The following SRSF11 variants were observed in gnomAD, a reference collection of about 807,000 sequenced individuals.
The protein encoded by SRSF11 is serine and arginine rich splicing factor 11.
In SRSF11, 9 loss-of-function variants were observed where a neutral mutation model predicts 56.0. That is an observed-to-expected ratio of 0.16 (90% CI 0.10 to 0.28). The LOEUF (loss-of-function observed/expected upper bound fraction) is 0.28. Ranked by LOEUF, SRSF11 falls within the 10% of genes least tolerant of loss-of-function variation. The probability of loss-of-function intolerance (pLI) is 1.00; values close to 1 mark genes in which losing one functional copy is unlikely to be tolerated. For missense variants in SRSF11, 421 were observed against 600.7 expected, an observed-to-expected ratio of 0.70 and a Z score of 3.13; for synonymous variants, 222 against 215.3, an observed-to-expected ratio of 1.03 and a Z score of -0.27.
rs1676355858 is a variant in SRSF11 at position 70,244,781 on chromosome 1, A to G, written c.898A>G (p.Arg300Gly). The G allele has an allele frequency of 1.9e-6, 3 of 1,614,188 alleles. No individual in the cohort carries two copies. The highest frequency in any genetic ancestry group is 2.5e-6 in the Non-Finnish European group (3 of 1,180,026). Residue 300 changes from arginine (R) to glycine (G), a missense_variant, in exon 8 of 12, where the codon AGA becomes GGA. By Grantham distance (125) the Arg-to-Gly change is moderately radical. Transcript: ENST00000370949. Reference protein sequence around the residue: ...PRRRRSHSRERGRRSRSTSKT... With the variant: ...PRRRRSHSREGGRRSRSTSKT... The stretch of plus-strand genomic sequence containing the variant: ...GCGGAGAAGATCTCATTCCAGAGAA[A>G]GAGGTAGAAGGTCAAGGAGCACATC...
intron 6 of SRSF11, among the ~76,000 whole-genome samples, chr1:70,238,726 T>C (rs1407961274): frequency 1.3e-5 from 2 of 152,286 alleles, no homozygotes; most frequent in East Asian, 3.9e-4. Flanking sequence ...ATTGAGTCTG[T>C]GAAGAATCAA....
At chr1:70,235,187 T>C (rs1673683074) in intron 4 of SRSF11, among the ~76,000 whole-genome samples, 1 of 152,198 alleles carries the variant, frequency 6.6e-6, no homozygotes. Context: ...GTTTTGAGTT[T>C]TACATGTTTC....
chr1:70,241,967 G>A lies in SRSF11; in HGVS notation c.800+2447G>A, dbSNP rs541893160. ...GAGGATCACAAGGTCAGGAGATTGA[G>A]ACCAGCCTGGCCAACATAGTGAAAC... is the stretch of plus-strand genomic sequence containing the variant. On this transcript the variant is annotated intron_variant, in intron 7 of 11. Transcript: ENST00000370949. 2.0e-5 allele frequency among the ~76,000 whole-genome samples: 3 copies of A among 152,282 alleles called. No individual in the cohort carries two copies. The South Asian group carries it at 6.2e-4, about 32-fold the overall frequency.
chr1:70,206,290 C>T (rs1299285025), intron 1 of SRSF11, among the ~76,000 whole-genome samples: 1 of 152,152 alleles, frequency 6.6e-6, no homozygotes, highest in South Asian at 2.1e-4. Flanking sequence ...ATCTCAGCTG[C>T]TTCTTTACTT....
At chr1:70,214,897 T>G (rs916592942) in intron 1 of SRSF11, among the ~76,000 whole-genome samples, 1 of 94,252 alleles carries the variant, frequency 1.1e-5, no homozygotes, top group Non-Finnish European at 2.1e-5. Flanking sequence ...CAGATAAGTT[T>G]TTTTTTTTTT....
rs769578132 is a variant in SRSF11 at position 70,209,594 on chromosome 1, A to G, written c.-26+3814A>G. Among the ~76,000 whole-genome samples the G allele has an allele frequency of 5.7e-4, 87 of 151,912 alleles. 1 individual carries two copies. The highest frequency in any genetic ancestry group is 4.6e-4 in the Non-Finnish European group (31 of 67,910). ...ACTTTAAGAGTAGCTGGGAGAGGAC[A>G]TTCTTTTTTGTTTGTTTGTTTTTCC... On this transcript the variant is annotated intron_variant, in intron 1 of 12. Transcript: ENST00000370950.
chr1:70,216,167 C>T (rs1669980891), intron 1 of SRSF11, among the ~76,000 whole-genome samples: 1 of 152,150 alleles, frequency 6.6e-6, no homozygotes, highest in African/African-American at 2.4e-5. Flanking sequence ...AGAACTAAAG[C>T]TTGTTCATTA....
intron 1 of SRSF11, among the ~76,000 whole-genome samples, chr1:70,214,331 C>T (rs1461651071): frequency 6.6e-6 from 1 of 151,106 alleles, no homozygotes; most frequent in Non-Finnish European, 1.5e-5. Context: ...TCTTTTGAGC[C>T]GATTAAACAA....
intron 1 of SRSF11, among the ~76,000 whole-genome samples, chr1:70,227,578 T>C (rs762037464): frequency 1.3e-5 from 2 of 152,216 alleles, no homozygotes; most frequent in South Asian, 4.1e-4. Flanking sequence ...CAAATAACTT[T>C]TGGTATGGGC....
At chr1:70,231,734 T>C (rs1347875684) in intron 2 of SRSF11, 1 of 1,229,196 alleles carries the variant, frequency 8.1e-7, no homozygotes, top group South Asian at 1.4e-5. Context: ...TACTTTCTTC[T>C]CTTAATTTTT....
At position 70,249,971 on chromosome 1, in the gene SRSF11, A is replaced by G. The variant is rs751972488; in HGVS notation, c.1042A>G (p.Ser348Gly). The change falls in exon 10 of 12, where the codon AGC (serine) becomes GGC (glycine). Residue 348 changes from serine (S) to glycine (G), a missense_variant. Transcript: ENST00000370949. Reference sequence around the variant, plus strand: ...TTCTAGAGAGAGACGACGACGAAGAAGCAGGAGTGGCACAAGATCTCCTAA... The same window carrying G: ...TTCTAGAGAGAGACGACGACGAAGAGGCAGGAGTGGCACAAGATCTCCTAA... Reference protein sequence around the residue: ...SASRERRRRRSRSGTRSPKKP... With the variant: ...SASRERRRRRGRSGTRSPKKP... The G allele has an allele frequency of 1.2e-6, 2 of 1,614,174 alleles. No individual in the cohort carries two copies. Among genetic ancestry groups the G allele is most frequent in the Non-Finnish European group, 1.7e-6 (2 of 1,180,024 alleles).
chr1:70,234,828 A>G (rs1188409532), intron 4 of SRSF11, 40 bp downstream of exon 4: 1 of 1,494,346 alleles, frequency 6.7e-7, no homozygotes. Context: ...CCATTTTTAC[A>G]GAAGATCTGT....
chr1:70,236,295 G>T (rs1394754159), intron 5 of SRSF11, among the ~76,000 whole-genome samples: 4 of 141,828 alleles, frequency 2.8e-5, no homozygotes, highest in Non-Finnish European at 4.7e-5. Context: ...TACTAAATTT[G>T]TTGTCTATAA....
chr1:70,221,893 A>T (rs1670718504), intron 1 of SRSF11, 54 bp downstream of exon 1: 2 of 1,603,842 alleles, frequency 1.2e-6, no homozygotes, highest in East Asian at 4.5e-5. Flanking sequence ...GCCTGGGCCT[A>T]ACACACACAA....
chr1:70,235,742 C>T (rs1025401412), intron 5 of SRSF11, among the ~76,000 whole-genome samples, 192 bp downstream of exon 5: 5 of 152,102 alleles, frequency 3.3e-5, no homozygotes, highest in African/African-American at 1.2e-4. Context: ...GTTTCAGTGT[C>T]ATTTGAGTCT....
At chr1:70,221,872 A>G (rs1001213939) in intron 1 of SRSF11, 33 bp downstream of exon 1, 1 of 1,612,000 alleles carries the variant, frequency 6.2e-7, no homozygotes, top group South Asian at 1.1e-5. Context: ...GTTCCTGCTA[A>G]CGCCGCCTCA....
chr1:70,222,511 T>C (rs1026513487), intron 1 of SRSF11, among the ~76,000 whole-genome samples: 5 of 152,248 alleles, frequency 3.3e-5, no homozygotes, highest in African/African-American at 1.2e-4. Flanking sequence ...TATGACTTTT[T>C]ATCCTTTTTG....
chr1:70,245,247 A>G (rs1415924569), intron 8 of SRSF11, among the ~76,000 whole-genome samples: 1 of 152,206 alleles, frequency 6.6e-6, no homozygotes, highest in African/African-American at 2.4e-5. Flanking sequence ...CTCTTGCTAA[A>G]ATATTTATCT....
intron 6 of SRSF11, among the ~76,000 whole-genome samples, 199 bp downstream of exon 6, chr1:70,237,751 A>G (rs1268545908): frequency 6.6e-6 from 1 of 152,222 alleles, no homozygotes; most frequent in African/African-American, 2.4e-5. Flanking sequence ...TCTAGAGGGC[A>G]AAGGACCAAC....
Sources: gnomAD v4.1 joint callset for allele counts (sites outside exome capture counted in the v4.1 genomes callset) on GRCh38, gnomAD v4.1.1 for gene constraint, MANE v1.5 for transcripts, NCBI Gene and HGNC (gene_info 2026-07-23, HGNC 2026-07-21) for gene names.